Variants in BICC1 observed in about 807,000 individuals in gnomAD.
The protein encoded by BICC1 is BicC family RNA binding protein 1, also known as protein bicaudal C homolog 1.
In BICC1, 43 loss-of-function variants were observed where a neutral mutation model predicts 111.0. That is an observed-to-expected ratio of 0.39 (90% CI 0.30 to 0.50). The LOEUF is 0.50. Among genes scored for constraint, BICC1 ranks in the 20% least tolerant of loss-of-function variants. BICC1 has a pLI of 0.88. For missense variants in BICC1, 1,091 were observed against 1,203.2 expected (o/e 0.91, Z 1.38); for synonymous variants, 467 against 434.4 (o/e 1.07, Z -0.93).
Position 58,514,379 on chromosome 10 carries a change from T to G in BICC1, c.190+1046T>G, listed in dbSNP as rs186169861. Among the ~76,000 whole-genome samples the G allele has an allele frequency of 3.0e-3, 461 of 152,106 alleles. 2 individuals are homozygous for G. The highest frequency in any genetic ancestry group is 0.011 in the African/African-American group (450 of 41,504). ...TCTTTTATCATGGAGGAGTTTGGAG[T>G]TTTTCAAACGTTATTTGTGGCTTTA... is the stretch of plus-strand genomic sequence containing the variant. On this transcript the variant is annotated intron_variant, in intron 1 of 20. Transcript: ENST00000373886.
chr10:58,736,343 A>C (rs989621040), intron 3 of BICC1, among the ~76,000 whole-genome samples: 14 of 151,246 alleles, frequency 9.3e-5, no homozygotes, highest in Admixed American at 2.7e-4. Flanking sequence ...GAGCAGTACA[A>C]ATTTTATTTT....
chr10:58,828,943 G>C lies in BICC1; in HGVS notation c.*52G>C. On this transcript the variant is annotated 3_prime_UTR_variant, in exon 21 of 21. Coordinates refer to ENST00000373886, the MANE Select transcript of BICC1 (RefSeq NM_001080512.3). ...GACTAACTGTAAAGTGGACACAGGA[G>C]ATGTATGAACAGCCTTCACAGCACA... 1 of 1,607,830 alleles carries C rather than the reference G, an allele frequency of 6.2e-7. No homozygotes were observed. The highest frequency in any genetic ancestry group is 8.5e-7 in the Non-Finnish European group (1 of 1,176,860).
chr10:58,787,863 A>G (rs913161750), intron 5 of BICC1, among the ~76,000 whole-genome samples: 1 of 152,110 alleles, frequency 6.6e-6, no homozygotes, highest in Non-Finnish European at 1.5e-5. Flanking sequence ...CCCCACCACA[A>G]TGCCAAGACT....
At chr10:58,624,147 C>T (rs556044181) in intron 2 of BICC1, among the ~76,000 whole-genome samples, 3 of 152,258 alleles carry the variant, frequency 2.0e-5, no homozygotes, top group African/African-American at 7.2e-5. Context: ...GTGGAAGCAA[C>T]ACGTGGATCT....
At chr10:58,786,597 G>C (rs185478717) in intron 4 of BICC1, among the ~76,000 whole-genome samples, 1 of 152,004 alleles carries the variant, frequency 6.6e-6, no homozygotes, top group African/African-American at 2.4e-5. Context: ...TAAATGTTTC[G>C]TGAATAATGT....
At chr10:58,549,562 T>G (rs1260945777) in intron 1 of BICC1, among the ~76,000 whole-genome samples, 1 of 152,178 alleles carries the variant, frequency 6.6e-6, no homozygotes, top group Non-Finnish European at 1.5e-5. Flanking sequence ...TTGAGCATCT[T>G]TTCGTATGCT....
At chr10:58,601,164 A>ATATATATG (rs1845022441) in intron 1 of BICC1, among the ~76,000 whole-genome samples, 4 of 140,512 alleles carry the variant, frequency 2.8e-5, no homozygotes, top group African/African-American at 7.7e-5. Flanking sequence ...ATATATATAT[A>ATATATATG]TATATATCTC....
At chr10:58,778,868 T>C (rs1375150991) in intron 3 of BICC1, among the ~76,000 whole-genome samples, 3 of 152,214 alleles carry the variant, frequency 2.0e-5, no homozygotes, top group Admixed American at 6.5e-5. Context: ...ATTAGAATTC[T>C]TACTGTCAAA....
At chr10:58,800,474 A>G in intron 13 of BICC1, 148 bp downstream of exon 13, 1 of 765,146 alleles carries the variant, frequency 1.3e-6, no homozygotes, top group Non-Finnish European at 2.0e-6. Context: ...AACATCCTGA[A>G]TAAAATTTCA....
intron 20 of BICC1, among the ~76,000 whole-genome samples, chr10:58,827,296 G>C (rs1299057999): frequency 1.3e-5 from 2 of 152,198 alleles, no homozygotes; most frequent in African/African-American, 4.8e-5. Context: ...AGATGTCATT[G>C]TTGATACAGA....
At chr10:58,693,504 A>G (rs1839975416) in intron 2 of BICC1, among the ~76,000 whole-genome samples, 1 of 152,214 alleles carries the variant, frequency 6.6e-6, no homozygotes, top group Non-Finnish European at 1.5e-5. Context: ...CTATTTCTCC[A>G]CATCCTCTCC....
chr10:58,803,994 A>C (rs1843635244), intron 15 of BICC1, among the ~76,000 whole-genome samples: 1 of 152,204 alleles, frequency 6.6e-6, no homozygotes, highest in Non-Finnish European at 1.5e-5. Context: ...ACCACCAAAA[A>C]AGAGGAAGAA....
At chr10:58,567,118 G>A (rs999917967) in intron 1 of BICC1, among the ~76,000 whole-genome samples, 58 of 152,268 alleles carry the variant, frequency 3.8e-4, no homozygotes, top group African/African-American at 1.4e-3. Flanking sequence ...CATAGTGGTG[G>A]GTTAGGCCAT....
intron 3 of BICC1, among the ~76,000 whole-genome samples, chr10:58,734,653 G>GA (rs35112961): frequency 6.6e-6 from 1 of 152,006 alleles, no homozygotes; most frequent in South Asian, 2.1e-4. Context: ...TGTATTAGCT[G>GA]AAAAAAAGTG....
intron 1 of BICC1, among the ~76,000 whole-genome samples, chr10:58,519,673 C>T (rs1351849046): frequency 2.6e-5 from 4 of 151,968 alleles, no homozygotes; most frequent in South Asian, 2.1e-4. Flanking sequence ...GAGAGGCTCC[C>T]TAGAATTTCT....
chr10:58,739,254 C>T lies in BICC1; in HGVS notation c.307+37111C>T, dbSNP rs139741793. 2.5e-3 allele frequency among the ~76,000 whole-genome samples: 388 copies of T among 152,176 alleles called. 3 individuals are homozygous for T. Among genetic ancestry groups the T allele is most frequent in the African/African-American group, 8.8e-3 (365 of 41,492 alleles). ...AGCTCTTATTATTTTGAGATGCGTC[C>T]CATCAATACCTAATTTATTGAGAGT... On this transcript the variant is annotated intron_variant, in intron 3 of 20. Transcript: ENST00000373886.
At chr10:58,763,291 G>A (rs1842368742) in intron 3 of BICC1, among the ~76,000 whole-genome samples, 1 of 152,120 alleles carries the variant, frequency 6.6e-6, no homozygotes, top group African/African-American at 2.4e-5. Flanking sequence ...ATGCTGTTAA[G>A]ACACTAGTCA....
intron 2 of BICC1, among the ~76,000 whole-genome samples, chr10:58,639,567 GT>G (rs141399509): frequency 1.2e-4 from 11 of 89,918 alleles, no homozygotes; most frequent in South Asian, 8.3e-4. Context: ...CCAGCTAATT[GT>G]TTTTTTTTTT....
At chr10:58,685,805 C>T (rs942583287) in intron 2 of BICC1, among the ~76,000 whole-genome samples, 6 of 152,128 alleles carry the variant, frequency 3.9e-5, no homozygotes, top group African/African-American at 1.4e-4. Flanking sequence ...ACTAATGGCT[C>T]TTGACTGTAT....
Sources: allele counts gnomAD v4.1 joint callset (sites outside exome capture counted in the v4.1 genomes callset), GRCh38; gene constraint gnomAD v4.1.1; transcripts MANE v1.5; gene names NCBI Gene and HGNC (gene_info 2026-07-23, HGNC 2026-07-21).